LRCH2: variants seen among roughly 807,000 people sequenced by gnomAD.
LRCH2 encodes the protein leucine rich repeats and calponin homology domain containing 2.
LRCH2 carries 38 observed loss-of-function variants against 68.9 expected under a neutral mutation model. That is an observed-to-expected ratio of 0.55 (90% CI 0.43 to 0.72). LRCH2 has a LOEUF of 0.72. LRCH2 is among the 30% of genes least tolerant of loss of function. The pLI is 0.00. For missense variants in LRCH2, 528 were observed against 572.9 expected (o/e 0.92, Z 0.80); for synonymous variants, 191 against 208.1 (o/e 0.92, Z 0.71).
chrX:115,217,896 T>G (rs1268839158), intron 1 of LRCH2, among the ~76,000 whole-genome samples: 10 of 112,187 alleles, frequency 8.9e-5, no homozygotes, highest in Non-Finnish European at 1.9e-4. Context: ...ATCTGCTGTT[T>G]CCTGACTTTT....
Position 115,156,620 on chromosome X carries a change from G to A in LRCH2, c.1511C>T (p.Thr504Ile). The change falls in exon 12 of 21, where the codon ACT becomes ATT. Residue 504 changes from threonine (T) to isoleucine (I), a missense_variant. Thr to Ile is a moderately conservative substitution (Grantham distance 89, BLOSUM62 -1). Coordinates refer to ENST00000317135, the MANE Select transcript of LRCH2 (RefSeq NM_020871.4). Reference protein sequence around the residue: ...TSVMRNKPKQTVECEKSVSAD... With the variant: ...TSVMRNKPKQIVECEKSVSAD... The stretch of plus-strand genomic sequence containing the variant: ...TTTATACCTCTTTTCACATTCCACA[G>A]TTTGTTTTGGCTTGTTTCTCATCAC... The A allele has an allele frequency of 8.8e-7, 1 of 1,140,156 alleles. No individual in the cohort carries two copies. Among genetic ancestry groups the A allele is most frequent in the Non-Finnish European group, 1.2e-6 (1 of 858,532 alleles). The allele number at this position is 1,140,156 out of a possible 1,213,427, so 94.0% of individuals were successfully genotyped here.
chrX:115,189,610 G>C (rs781830577), intron 1 of LRCH2: 10 of 1,169,557 alleles, frequency 8.6e-6, no homozygotes, highest in Non-Finnish European at 1.1e-5. Context: ...CGTCACCTTC[G>C]AAAGCCCTGC....
At chrX:115,132,985 A>G (rs901076435) in intron 14 of LRCH2, among the ~76,000 whole-genome samples, 1 of 111,261 alleles carries the variant, frequency 9.0e-6, no homozygotes, top group Non-Finnish European at 1.9e-5. Flanking sequence ...CAAACCCGAT[A>G]TGGCTGGGAT....
chrX:115,174,389 C>T (rs918298806), intron 5 of LRCH2, among the ~76,000 whole-genome samples: 1 of 110,136 alleles, frequency 9.1e-6, no homozygotes, highest in African/African-American at 3.3e-5. Flanking sequence ...CCCCTGGTAA[C>T]CACCATTCTA....
At chrX:115,164,153 T>C (rs1221437339) in intron 10 of LRCH2, among the ~76,000 whole-genome samples, 2 of 111,638 alleles carry the variant, frequency 1.8e-5, no homozygotes, top group Non-Finnish European at 3.8e-5. Context: ...ATTTAAAATA[T>C]TGTAAAATTT....
intron 3 of LRCH2, among the ~76,000 whole-genome samples, chrX:115,181,242 C>T (rs1291131150): frequency 2.7e-5 from 3 of 111,492 alleles, no homozygotes; most frequent in African/African-American, 9.8e-5. Context: ...ATGACTTTAG[C>T]TTTTATTCTG....
At chrX:115,230,656 G>A (rs1449912598) in intron 1 of LRCH2, among the ~76,000 whole-genome samples, 3 of 111,500 alleles carry the variant, frequency 2.7e-5, no homozygotes, top group Non-Finnish European at 5.7e-5. Flanking sequence ...TGTTTAGGGG[G>A]CATCATTTTC....
rs375449468 is a variant in LRCH2 at position 115,139,504 on chromosome X, G to A, written c.1696-9305C>T. ...TGCATTTAGAAATTCACCTGTGGCC[G>A]GGCACGGTGGCTCATGCCTGTAATC... On this transcript the variant is annotated intron_variant, in intron 14 of 20. Transcript: ENST00000317135. Among the ~76,000 whole-genome samples, 5 of 111,917 alleles carry A rather than the reference G, an allele frequency of 4.5e-5. No homozygotes were observed. In the East Asian group the frequency reaches 8.5e-4, roughly 19 times the overall value.
chrX:115,173,119 TTTA>T (rs2072617491), intron 5 of LRCH2, among the ~76,000 whole-genome samples: 1 of 111,574 alleles, frequency 9.0e-6, no homozygotes, highest in African/African-American at 3.3e-5. Context: ...ATTTTTCCTC[TTTA>T]TTTTTTCTTC....
intron 5 of LRCH2, among the ~76,000 whole-genome samples, chrX:115,170,791 A>C (rs2072599054): frequency 8.9e-6 from 1 of 112,069 alleles, no homozygotes; most frequent in African/African-American, 3.2e-5. Context: ...ATGGTAAGAA[A>C]AGAACAAATA....
intron 6 of LRCH2, 28 bp downstream of exon 6, chrX:115,170,270 CA>C: frequency 8.9e-7 from 1 of 1,127,668 alleles, no homozygotes; most frequent in Admixed American, 3.3e-5. Flanking sequence ...CAGCAATCAT[CA>C]AATGAAACTG....
chrX:115,157,745 T>C (rs2072486834), intron 11 of LRCH2, among the ~76,000 whole-genome samples: 1 of 110,207 alleles, frequency 9.1e-6, no homozygotes, highest in African/African-American at 3.3e-5. Context: ...AAATATATTT[T>C]AAAAGAGTGA....
chrX:115,233,710 G>A lies in LRCH2; in HGVS notation c.332C>T (p.Thr111Met), dbSNP rs782261827. ...RDFPGSGYDL[T>M]DTTQADLSRN... ...CCTGTCACCTGCTTGGGTGGTGTCC[G>A]TCAGGTCGTAGCCGCTGCCCGGGAA... Residue 111 changes from threonine to methionine, a missense_variant, in exon 1 of 21, where the codon ACG (threonine) becomes ATG (methionine). By Grantham distance (81) the Thr-to-Met change is moderately conservative. Transcript: ENST00000317135. The A allele has an allele frequency of 8.6e-7, 1 of 1,165,196 alleles. No homozygotes were observed. Among genetic ancestry groups the A allele is most frequent in the Non-Finnish European group, 1.1e-6 (1 of 870,245 alleles).
chrX:115,180,293 A>G (rs2072681921), intron 3 of LRCH2, among the ~76,000 whole-genome samples: 1 of 111,342 alleles, frequency 9.0e-6, no homozygotes, highest in South Asian at 3.8e-4. Context: ...GACTCATCTC[A>G]TAGCTCAAAG....
At chrX:115,133,887 T>C (rs1185288614) in intron 14 of LRCH2, among the ~76,000 whole-genome samples, 2 of 111,752 alleles carry the variant, frequency 1.8e-5, no homozygotes, top group Non-Finnish European at 3.8e-5. Context: ...TCTTTCCCTT[T>C]AAATAAAAAG....
chrX:115,133,906 G>A (rs2072267109), intron 14 of LRCH2, among the ~76,000 whole-genome samples: 1 of 112,026 alleles, frequency 8.9e-6, no homozygotes, highest in African/African-American at 3.2e-5. Context: ...AGCTTGAAAT[G>A]ATTAAGCTTA....
chrX:115,127,970 CA>C (rs1556528644), intron 15 of LRCH2, among the ~76,000 whole-genome samples: 1 of 111,124 alleles, frequency 9.0e-6, no homozygotes, highest in Non-Finnish European at 1.9e-5. Flanking sequence ...GGTTTCCAAG[CA>C]AGGGAATGGC....
rs1603067610 is a variant in LRCH2 at position 115,184,642 on chromosome X, T to C, written c.495-105A>G. Reference sequence around the variant, plus strand: ...TAAATAATATTCTATCACTAAGTAATAACTTAATAAGTACTTGCTGAGTGC... The same window carrying C: ...TAAATAATATTCTATCACTAAGTAACAACTTAATAAGTACTTGCTGAGTGC... On this transcript the variant is annotated intron_variant, in intron 2 of 20. Transcript: ENST00000317135. 3 of 734,117 alleles carry C rather than the reference T, an allele frequency of 4.1e-6. No individual in the cohort carries two copies. The East Asian group carries it at 1.2e-4, about 29-fold the overall frequency. 60.5% of individuals were successfully genotyped at this position (734,117 alleles called of 1,213,427 possible). A position where few individuals can be genotyped will look rare whatever the true frequency, so the allele number is the denominator to read the frequency against.
At chrX:115,176,728 C>T (rs903349398) in intron 5 of LRCH2, among the ~76,000 whole-genome samples, 1 of 108,877 alleles carries the variant, frequency 9.2e-6, no homozygotes, top group African/African-American at 3.3e-5. Flanking sequence ...GCTGGCTGTT[C>T]ATTTTCTTTT....
Sources: gnomAD v4.1 joint callset for allele counts (sites outside exome capture counted in the v4.1 genomes callset) on GRCh38, gnomAD v4.1.1 for gene constraint, MANE v1.5 for transcripts, NCBI Gene and HGNC (gene_info 2026-07-23, HGNC 2026-07-21) for gene names.